Variants in COL21A1 observed in about 807,000 individuals in gnomAD.
COL21A1 encodes collagen type XXI alpha 1 chain.
Under a neutral mutation model 137.9 loss-of-function variants are expected in COL21A1, and 149 were observed. The ratio of observed to expected loss-of-function variants is 1.08; its 90% CI spans 0.95 to 1.24. The LOEUF (loss-of-function observed/expected upper bound fraction) is 1.24, where lower values mean the gene tolerates loss of function less well. COL21A1 is among the 50% of genes most tolerant of loss of function. The pLI, the probability that COL21A1 is intolerant of heterozygous loss-of-function variation, is 0.00. For missense variants in COL21A1, 1,167 were observed against 1,158.4 expected (o/e 1.01, Z -0.11); for synonymous variants, 456 against 391.5 (o/e 1.16, Z -1.95).
chr6:56,095,950 A>C (rs1226876857), intron 17 of COL21A1, among the ~76,000 whole-genome samples: 1 of 151,988 alleles, frequency 6.6e-6, no homozygotes, highest in East Asian at 1.9e-4. Flanking sequence ...AGGTTCAAGC[A>C]ATTCTCCTGC....
At chr6:56,113,937 T>A (rs1241676057) in intron 16 of COL21A1, among the ~76,000 whole-genome samples, 5 of 152,114 alleles carry the variant, frequency 3.3e-5, no homozygotes, top group Admixed American at 3.3e-4. Context: ...GTACTCCTCA[T>A]GGCTAGGGGT....
At chr6:56,310,270 G>T (rs1168852823) in intron 1 of COL21A1, among the ~76,000 whole-genome samples, 3 of 152,184 alleles carry the variant, frequency 2.0e-5, no homozygotes, top group Non-Finnish European at 4.4e-5. Context: ...AGACCTGGGT[G>T]CCTATCTTTT....
At chr6:56,222,531 C>T (rs1432555545) in intron 1 of COL21A1, among the ~76,000 whole-genome samples, 1 of 151,990 alleles carries the variant, frequency 6.6e-6, no homozygotes, top group Non-Finnish European at 1.5e-5. Flanking sequence ...CATTGCTTCT[C>T]TAGGGAGTAA....
chr6:56,078,171 G>A (rs765707851), intron 17 of COL21A1: 5 of 455,694 alleles, frequency 1.1e-5, no homozygotes, highest in Admixed American at 4.7e-5. Context: ...TCACGTGGCT[G>A]AACTCATATG....
chr6:56,160,331 G>C (rs761104), intron 9 of COL21A1, among the ~76,000 whole-genome samples: 2 of 151,890 alleles, frequency 1.3e-5, no homozygotes, highest in African/African-American at 4.8e-5. Flanking sequence ...CCCATTTTCT[G>C]TGTAGGAAAA....
At chr6:56,100,793 T>C (rs1252366671) in intron 17 of COL21A1, among the ~76,000 whole-genome samples, 1 of 152,326 alleles carries the variant, frequency 6.6e-6, no homozygotes, top group African/African-American at 2.4e-5. Context: ...CTCCCTCTTA[T>C]GTACAATATT....
intron 1 of COL21A1, among the ~76,000 whole-genome samples, chr6:56,272,039 G>T (rs1200606397): frequency 2.0e-5 from 3 of 152,210 alleles, no homozygotes; most frequent in African/African-American, 7.2e-5. Flanking sequence ...GAAATGTGGG[G>T]TTGGAACCCC....
chr6:56,098,070 A>T (rs1173363078), intron 17 of COL21A1, among the ~76,000 whole-genome samples: 5 of 47,166 alleles, frequency 1.1e-4, no homozygotes, highest in Admixed American at 7.8e-4. Flanking sequence ...TAAATATATA[A>T]ATATATATAA....
At chr6:56,334,202 C>T (rs1765291245) in intron 1 of COL21A1, among the ~76,000 whole-genome samples, 1 of 151,908 alleles carries the variant, frequency 6.6e-6, no homozygotes. Flanking sequence ...TATACTTGTC[C>T]ATCTGCCCTC....
chr6:56,233,958 C>T (rs1035293794), intron 1 of COL21A1, among the ~76,000 whole-genome samples: 10 of 151,620 alleles, frequency 6.6e-5, no homozygotes, highest in South Asian at 4.2e-4. Context: ...TTAGTTAATA[C>T]GTAGAAATGT....
intron 1 of COL21A1, among the ~76,000 whole-genome samples, chr6:56,205,606 C>T (rs1322596039): frequency 6.6e-6 from 1 of 152,058 alleles, no homozygotes; most frequent in East Asian, 1.9e-4. Context: ...CAAAATAGGC[C>T]AACATTCAAA....
chr6:56,164,237 G>A (rs554371102), intron 9 of COL21A1, among the ~76,000 whole-genome samples, 186 bp downstream of exon 9: 3 of 152,090 alleles, frequency 2.0e-5, no homozygotes, highest in Non-Finnish European at 2.9e-5. Flanking sequence ...GGTTCAAAAG[G>A]TATCCTAATC....
chr6:56,243,686 C>T (rs570604114), intron 1 of COL21A1, among the ~76,000 whole-genome samples: 1 of 152,316 alleles, frequency 6.6e-6, no homozygotes, highest in East Asian at 1.9e-4. Context: ...GAGGTAGGTT[C>T]TACTTCCCCA....
At chr6:56,304,032 G>A (rs182955778) in intron 1 of COL21A1, among the ~76,000 whole-genome samples, 2,050 of 152,232 alleles carry the variant, frequency 0.013, 21 homozygotes, top group Non-Finnish European at 0.021. Flanking sequence ...GCTGGATTAC[G>A]TTTATTGATT....
chr6:56,349,557 A>C (rs1765667840), intron 1 of COL21A1, among the ~76,000 whole-genome samples: 1 of 152,250 alleles, frequency 6.6e-6, no homozygotes, highest in African/African-American at 2.4e-5. Context: ...ATTCATTAAA[A>C]TCACCAATCA....
chr6:56,093,581 TGACCTA>T (rs1769055036), intron 17 of COL21A1, among the ~76,000 whole-genome samples: 2 of 152,314 alleles, frequency 1.3e-5, no homozygotes, highest in African/African-American at 4.8e-5. Flanking sequence ...TCAGATTTCA[TGACCTA>T]GGAATACCCC....
chr6:56,120,356 T>C (rs1276200192), intron 16 of COL21A1, among the ~76,000 whole-genome samples: 1 of 152,220 alleles, frequency 6.6e-6, no homozygotes, highest in African/African-American at 2.4e-5. Flanking sequence ...GATATCATCT[T>C]ACTCCAGTTA....
chr6:56,113,295 T>C (rs1046057184), intron 16 of COL21A1, among the ~76,000 whole-genome samples: 4 of 152,148 alleles, frequency 2.6e-5, no homozygotes, highest in African/African-American at 7.2e-5. Flanking sequence ...ACCCCTTCCT[T>C]CTATAATCCT....
At chr6:56,219,653 G>A (rs372799960) in intron 1 of COL21A1, among the ~76,000 whole-genome samples, 4 of 152,092 alleles carry the variant, frequency 2.6e-5, no homozygotes, top group South Asian at 2.1e-4. Flanking sequence ...CATAATTGAA[G>A]CATATTATTA....
Sources: allele counts gnomAD v4.1 joint callset (sites outside exome capture counted in the v4.1 genomes callset), GRCh38; gene constraint gnomAD v4.1.1; transcripts MANE v1.5; gene names NCBI Gene and HGNC (gene_info 2026-07-23, HGNC 2026-07-21).